SAMD12: variants seen among roughly 807,000 people sequenced by gnomAD.
SAMD12 encodes sterile alpha motif domain containing 12, also known as sterile alpha motif domain-containing protein 12.
Under a neutral mutation model 15.0 loss-of-function variants are expected in SAMD12, and 9 were observed. The ratio of observed to expected loss-of-function variants is 0.60; its 90% CI spans 0.36 to 1.05. SAMD12 has a LOEUF of 1.05. Ranked by LOEUF, SAMD12 falls within the 50% of genes least tolerant of loss-of-function variation. SAMD12 has a pLI of 0.01. For synonymous variants in SAMD12, 86 were observed against 90.1 expected (o/e 0.96, Z 0.25); for missense variants, 230 against 234.2 (o/e 0.98, Z 0.12).
intron 4 of SAMD12, among the ~76,000 whole-genome samples, chr8:118,211,755 T>C (rs1273846795): frequency 2.0e-5 from 3 of 152,080 alleles, no homozygotes; most frequent in African/African-American, 4.8e-5. Context: ...CCCAGCCCCA[T>C]GAAAAGCTTT....
intron 1 of SAMD12, among the ~76,000 whole-genome samples, chr8:118,606,479 C>T (rs912261064): frequency 4.0e-5 from 6 of 151,824 alleles, no homozygotes; most frequent in African/African-American, 1.5e-4. Flanking sequence ...ACAGAGTATA[C>T]GTAAAGCCAG....
intron 4 of SAMD12, among the ~76,000 whole-genome samples, chr8:118,204,374 G>C (rs759629569): frequency 2.0e-5 from 3 of 152,142 alleles, no homozygotes; most frequent in Admixed American, 2.0e-4. Flanking sequence ...AGAATTTGAC[G>C]AAGAGAAGCG....
At chr8:118,176,170 A>G in the SAMD12 span, among the ~76,000 whole-genome samples, 1 of 152,134 alleles carries the variant, frequency 6.6e-6, no homozygotes, top group Non-Finnish European at 1.5e-5. Flanking sequence ...GCATGGTGGC[A>G]TGCGCCTGTA....
At chr8:118,364,783 G>C (rs1416384167) in intron 4 of SAMD12, among the ~76,000 whole-genome samples, 3 of 152,102 alleles carry the variant, frequency 2.0e-5, no homozygotes, top group Non-Finnish European at 4.4e-5. Context: ...AGTGAAGGAT[G>C]AATCTTTACA....
intron 4 of SAMD12, among the ~76,000 whole-genome samples, chr8:118,219,273 T>G (rs1440373033): frequency 6.6e-6 from 1 of 152,244 alleles, no homozygotes; most frequent in African/African-American, 2.4e-5. Context: ...CGCAAATTCC[T>G]AGAGGAGAGA....
intron 4 of SAMD12, among the ~76,000 whole-genome samples, chr8:118,336,438 C>T (rs1817070155): frequency 6.6e-6 from 1 of 152,166 alleles, no homozygotes; most frequent in African/African-American, 2.4e-5. Flanking sequence ...GAAGAAAGGG[C>T]CTTATGCTTC....
intron 3 of SAMD12, among the ~76,000 whole-genome samples, chr8:118,437,834 T>C (rs1822618893): frequency 6.6e-6 from 1 of 152,206 alleles, no homozygotes; most frequent in African/African-American, 2.4e-5. Context: ...GAATCTTTAT[T>C]TCTGAGGACT....
intron 4 of SAMD12, among the ~76,000 whole-genome samples, chr8:118,317,901 C>T (rs369770510): frequency 4.9e-4 from 74 of 152,138 alleles, no homozygotes; most frequent in Admixed American, 2.6e-3. Context: ...CATGAACAGA[C>T]GCTTCTCAAA....
chr8:118,418,289 A>C lies in SAMD12; in HGVS notation c.322+21543T>G, dbSNP rs188479148. On this transcript the variant is annotated intron_variant, in intron 3 of 3. Coordinates refer to ENST00000314727, the MANE Select transcript of SAMD12 (RefSeq NM_207506.3). Reference sequence around the variant, plus strand: ...TTTTCTACTGATGCCTTTTACAAGAAACAGAGTAGACCTGTTTGTAGATTC... The same window carrying C: ...TTTTCTACTGATGCCTTTTACAAGACACAGAGTAGACCTGTTTGTAGATTC... Among the ~76,000 whole-genome samples, 4 of 152,344 alleles carry C rather than the reference A, an allele frequency of 2.6e-5. No homozygotes were observed. The East Asian group carries it at 7.7e-4, about 29-fold the overall frequency.
chr8:118,344,945 T>C (rs1257926795), intron 4 of SAMD12, among the ~76,000 whole-genome samples: 2 of 152,212 alleles, frequency 1.3e-5, no homozygotes, highest in Non-Finnish European at 2.9e-5. Context: ...TATTTTTATA[T>C]ATTTAGTGTA....
chr8:118,544,492 C>T (rs1174958869), intron 2 of SAMD12, among the ~76,000 whole-genome samples: 1 of 152,122 alleles, frequency 6.6e-6, no homozygotes, highest in Admixed American at 6.5e-5. Flanking sequence ...TCTGGATTTT[C>T]CAAGCACAAG....
At chr8:118,221,135 G>A (rs900961411) in intron 4 of SAMD12, among the ~76,000 whole-genome samples, 22 of 152,138 alleles carry the variant, frequency 1.4e-4, no homozygotes, top group Admixed American at 3.3e-4. Flanking sequence ...TTTTTGTCTC[G>A]TCTATTAGTA....
At chr8:118,502,019 CAA>C (rs778485490) in intron 2 of SAMD12, among the ~76,000 whole-genome samples, 2,564 of 80,500 alleles carry the variant, frequency 0.032, 65 homozygotes, top group African/African-American at 0.098. Flanking sequence ...GACTCCGTCT[CAA>C]AAAAAAAAAA....
At chr8:118,260,483 A>G (rs1164273089) in intron 4 of SAMD12, among the ~76,000 whole-genome samples, 1 of 152,114 alleles carries the variant, frequency 6.6e-6, no homozygotes, top group Non-Finnish European at 1.5e-5. Flanking sequence ...TGCACCAAGT[A>G]TAGAGTATCC....
chr8:118,558,988 C>A (rs1826629498), intron 2 of SAMD12, among the ~76,000 whole-genome samples: 1 of 152,138 alleles, frequency 6.6e-6, no homozygotes, highest in Admixed American at 6.5e-5. Flanking sequence ...TGACTCAATA[C>A]TTTAAATTTT....
intron 4 of SAMD12, among the ~76,000 whole-genome samples, chr8:118,255,461 G>A (rs1040918233): frequency 4.1e-4 from 62 of 150,098 alleles, no homozygotes; most frequent in African/African-American, 1.3e-3. Flanking sequence ...CCATTGACTC[G>A]TCATTTAGCA....
At chr8:118,134,662 A>G in the SAMD12 span, among the ~76,000 whole-genome samples, 8 of 152,314 alleles carry the variant, frequency 5.3e-5, no homozygotes, top group African/African-American at 1.7e-4. Context: ...CCGATGCCCA[A>G]TAAACTTTGA....
intron 2 of SAMD12, among the ~76,000 whole-genome samples, chr8:118,562,623 C>T (rs1826737465): frequency 2.0e-5 from 3 of 152,144 alleles, no homozygotes; most frequent in African/African-American, 7.2e-5. Flanking sequence ...AAAAACATAA[C>T]TTATTGTTGA....
At chr8:118,440,460 G>T (rs1030702679) in intron 2 of SAMD12, among the ~76,000 whole-genome samples, 1 of 152,110 alleles carries the variant, frequency 6.6e-6, no homozygotes, top group African/African-American at 2.4e-5. Flanking sequence ...AAGTCTGCCT[G>T]GGGGCTCTGG....
Sources: allele counts gnomAD v4.1 joint callset (sites outside exome capture counted in the v4.1 genomes callset), GRCh38; gene constraint gnomAD v4.1.1; transcripts MANE v1.5; gene names NCBI Gene and HGNC (gene_info 2026-07-23, HGNC 2026-07-21).